PPP4C: variants seen among roughly 807,000 people sequenced by gnomAD.
PPP4C encodes the protein serine/threonine-protein phosphatase 4 catalytic subunit.
In PPP4C, 10 loss-of-function variants were observed where a neutral mutation model predicts 40.5. The ratio of observed to expected loss-of-function variants is 0.25; its 90% CI spans 0.15 to 0.42. The LOEUF is 0.42. Ranked by LOEUF, PPP4C falls within the 10% of genes least tolerant of loss-of-function variation. The pLI, the probability that PPP4C is intolerant of heterozygous loss-of-function variation, is 1.00. For synonymous variants in PPP4C, 187 were observed against 163.6 expected (o/e 1.14, Z -1.09); for missense variants, 191 against 416.4 (o/e 0.46, Z 4.71).
chr16:30,083,898 GAGGAGGA>G lies in PPP4C; in HGVS notation c.604+118_604+124del. On this transcript the variant is annotated intron_variant, in intron 7 of 8. Coordinates refer to ENST00000279387, the MANE Select transcript of PPP4C (RefSeq NM_002720.3). The surrounding 1 kb of genome is among the most constrained non-coding windows in gnomAD (Gnocchi z 6.3). ...CACCTGCCAAATGGCTGGAACCCTG[GAGGAGGA>G]GCAGGGAGGCCTGCATGGCAGGTGC... 3.4e-6 allele frequency: 5 copies of G among 1,481,010 alleles called. No homozygotes were observed. Among genetic ancestry groups the G allele is most frequent in the Non-Finnish European group, 4.6e-6 (5 of 1,089,528 alleles). The allele number at this position is 1,481,010 out of a possible 1,614,324, so 91.7% of individuals were successfully genotyped here. A position where few individuals can be genotyped will look rare whatever the true frequency, so the allele number is the denominator to read the frequency against.
chr16:30,076,142 CG>C (rs1270983830), intron 1 of PPP4C, 48 bp downstream of exon 1: 1 of 523,484 alleles, frequency 1.9e-6, no homozygotes, highest in Admixed American at 3.7e-5. Context: ...CGCGGGACCG[CG>C]GGGTTCGACG....
chr16:30,076,165 G>A (rs548598970), intron 1 of PPP4C, 71 bp downstream of exon 1: 1 of 582,792 alleles, frequency 1.7e-6, no homozygotes, highest in South Asian at 2.0e-5. Context: ...GAGTTAGCGG[G>A]GGTGCGGCCA....
chr16:30,081,229 G>C (rs779526682), intron 2 of PPP4C, 30 bp from the exon 3 acceptor site: 1 of 1,613,144 alleles, frequency 6.2e-7, no homozygotes, highest in Non-Finnish European at 8.5e-7. Context: ...TGGCCTGGCT[G>C]TGGTGACCCT....
intron 2 of PPP4C, among the ~76,000 whole-genome samples, chr16:30,078,179 A>G (rs76335005): frequency 0.015 from 2,278 of 152,324 alleles, 54 homozygotes; most frequent in African/African-American, 0.052. Context: ...TGGAGTTTGC[A>G]GAATAGCAGG....
chr16:30,081,981 G>T (rs2072516425), intron 3 of PPP4C, among the ~76,000 whole-genome samples: 1 of 151,674 alleles, frequency 6.6e-6, no homozygotes, highest in Admixed American at 6.6e-5. Context: ...CGTGAACCCA[G>T]GAGGCGGAGC....
In PPP4C at chr16:30,084,925, C is replaced by T. The variant is rs752038592; in HGVS notation, c.795-8C>T. The T allele has an allele frequency of 1.2e-6, 2 of 1,614,002 alleles. No homozygotes were observed. The highest frequency in any genetic ancestry group is 1.7e-6 in the Non-Finnish European group (2 of 1,179,854). On this transcript the variant is annotated splice_polypyrimidine_tract_variant and splice_region_variant and intron_variant, in intron 8 of 8. Transcript: ENST00000279387. Reference sequence around the variant, plus strand: ...AGCTGCTCCTGACCCTGCTGCCCCGCCTTCCAGCTGTGGGAATGTGGCAGC... The same window carrying T: ...AGCTGCTCCTGACCCTGCTGCCCCGTCTTCCAGCTGTGGGAATGTGGCAGC...
At chr16:30,081,464 G>A (rs988798510) in intron 3 of PPP4C, 154 bp downstream of exon 3, 20 of 638,492 alleles carry the variant, frequency 3.1e-5, no homozygotes, top group Middle Eastern at 4.0e-4. Flanking sequence ...AGTGGGGGTT[G>A]CTGTGCACGT....
chr16:30,083,696 C>G lies in PPP4C; in HGVS notation c.519C>G (p.Thr173=), dbSNP rs1339194078. 2 of 1,614,086 alleles carry G rather than the reference C, an allele frequency of 1.2e-6. No homozygotes were observed. Among genetic ancestry groups the G allele is most frequent in the East Asian group, 4.5e-5 (2 of 44,900 alleles). The part of the protein sequence containing the change: ...VHGGLSPSIQ[T]LDQIRTIDRK... The stretch of plus-strand genomic sequence containing the variant: ...GGGGCCTCTCCCCCTCCATCCAGAC[C>G]CTGGATCAGATTCGGACAATCGACC... Residue 173 remains threonine (T), a synonymous_variant, in exon 7 of 9, where the codon ACC becomes ACG. Coordinates refer to ENST00000279387, the MANE Select transcript of PPP4C (RefSeq NM_002720.3). The surrounding 1 kb of genome is among the most constrained non-coding windows in gnomAD (Gnocchi z 6.3).
chr16:30,076,569 T>G, intron 2 of PPP4C, 94 bp downstream of exon 2: 1 of 1,272,356 alleles, frequency 7.9e-7, no homozygotes, highest in Non-Finnish European at 1.1e-6. Context: ...GCTTGCCTCG[T>G]TCTGGAAGCT....
At chr16:30,077,499 C>G (rs142560332) in intron 2 of PPP4C, among the ~76,000 whole-genome samples, 88 of 152,236 alleles carry the variant, frequency 5.8e-4, no homozygotes, top group African/African-American at 2.0e-3. Context: ...GAAGGGCATT[C>G]CAAGCAGGAC....
chr16:30,076,494 G>C lies in PPP4C; in HGVS notation c.98+19G>C. 6.3e-7 allele frequency: 1 copy of C among 1,595,374 alleles called. No individual in the cohort carries two copies. The highest frequency in any genetic ancestry group is 2.3e-5 in the East Asian group (1 of 43,592). On this transcript the variant is annotated intron_variant, in intron 2 of 8. Transcript: ENST00000279387. ...AGGCCAGGTGAGCTCGTTGGCCCTG[G>C]GGAAGGGAGGCCAAGCCGCCGCCCA...
Position 30,083,909 on chromosome 16 carries a change from G to T in PPP4C, c.604+128G>T. ...TGGCTGGAACCCTGGAGGAGGAGCA[G>T]GGAGGCCTGCATGGCAGGTGCTTTG... On this transcript the variant is annotated intron_variant, in intron 7 of 8. Transcript: ENST00000279387. The surrounding 1 kb of genome is among the most constrained non-coding windows in gnomAD (Gnocchi z 6.3). 7.0e-7 allele frequency: 1 copy of T among 1,422,520 alleles called. No homozygotes were observed. Among genetic ancestry groups the T allele is most frequent in the East Asian group, 2.3e-5 (1 of 42,676 alleles). The allele number at this position is 1,422,520 out of a possible 1,614,324, so 88.1% of individuals were successfully genotyped here. A position where few individuals can be genotyped will look rare whatever the true frequency, so the allele number is the denominator to read the frequency against.
At chr16:30,082,607 C>T in intron 4 of PPP4C, 73 bp downstream of exon 4, 1 of 1,576,702 alleles carries the variant, frequency 6.3e-7, no homozygotes. Context: ...AGGGTGGGAG[C>T]CTTAATTTGG....
intron 2 of PPP4C, 33 bp downstream of exon 2, chr16:30,076,508 A>G: frequency 6.3e-7 from 1 of 1,577,670 alleles, no homozygotes; most frequent in Admixed American, 1.8e-5. Flanking sequence ...AGGGAGGCCA[A>G]GCCGCCGCCC....
chr16:30,083,851 G>A lies in PPP4C; in HGVS notation c.604+70G>A. The A allele has an allele frequency of 6.3e-7, 1 of 1,585,486 alleles. No homozygotes were observed. ...TTGGGAAAGAGAGGGAGCAGGGCTG[G>A]TCTTCACTGTCACTCGTCCTCCACC... On this transcript the variant is annotated intron_variant, in intron 7 of 8. Coordinates refer to ENST00000279387, the MANE Select transcript of PPP4C (RefSeq NM_002720.3). This position sits in a 1 kb window ranked among gnomAD's most constrained non-coding sequence, Gnocchi z 6.3.
chr16:30,076,226 TG>T, intron 1 of PPP4C, 88 bp from the exon 2 acceptor site: 2 of 593,338 alleles, frequency 3.4e-6, no homozygotes, highest in South Asian at 2.5e-5. Context: ...GAGGCGGGGG[TG>T]GGGGAGCCGG....
intron 4 of PPP4C, 51 bp from the exon 5 acceptor site, chr16:30,082,694 TA>T (rs1051778503): frequency 6.4e-7 from 1 of 1,558,392 alleles, no homozygotes; most frequent in African/African-American, 1.4e-5. Flanking sequence ...CAGAAACAGG[TA>T]GGGGGTAGGG....
chr16:30,076,163 G>T (rs1022766190), intron 1 of PPP4C, 69 bp downstream of exon 1: 2 of 580,656 alleles, frequency 3.4e-6, no homozygotes, highest in Non-Finnish European at 6.1e-6. Flanking sequence ...GGGAGTTAGC[G>T]GGGGTGCGGC....
Position 30,085,154 on chromosome 16 carries a change from G to GA in PPP4C, c.*92_*93insA. ...TCAGACGGAGGCTGGGCGTGGGGGG[G>GA]GCTGTCCTGGCTCTGCTGTCCCCCA... is the stretch of plus-strand genomic sequence containing the variant. On this transcript the variant is annotated 3_prime_UTR_variant, in exon 9 of 9. Transcript: ENST00000279387. 5.4e-6 allele frequency: 8 copies of GA among 1,494,344 alleles called. No individual in the cohort carries two copies. Among genetic ancestry groups the GA allele is most frequent in the South Asian group, 2.5e-5 (2 of 81,434 alleles). The allele number at this position is 1,494,344 out of a possible 1,614,324, so 92.6% of individuals were successfully genotyped here.
Sources: gnomAD v4.1 joint callset for allele counts (sites outside exome capture counted in the v4.1 genomes callset) on GRCh38, gnomAD v4.1.1 for gene constraint, Gnocchi (gnomAD v3.1) non-coding constraint, MANE v1.5 for transcripts, NCBI Gene and HGNC (gene_info 2026-07-23, HGNC 2026-07-21) for gene names.